GPC6: variants seen among roughly 807,000 people sequenced by gnomAD.
GPC6 encodes the protein glypican 6.
A neutral mutation model predicts 55.2 loss-of-function variants in GPC6; 14 were observed. That is an observed-to-expected ratio of 0.25 (90% confidence interval 0.17 to 0.40). The LOEUF (loss-of-function observed/expected upper bound fraction) is 0.40. Ranked by LOEUF, GPC6 falls within the 10% of genes least tolerant of loss-of-function variation. The pLI is 1.00. For synonymous variants in GPC6, 278 were observed against 259.6 expected (o/e 1.07, Z -0.68); for missense variants, 641 against 708.5 (o/e 0.90, Z 1.08).
At chr13:93,225,178 T>C (rs1875728232), upstream of GPC6, among the ~76,000 whole-genome samples, 1 of 152,178 alleles carries the variant, frequency 6.6e-6, no homozygotes, top group Admixed American at 6.5e-5. Context: ...GAAGTGTGTG[T>C]TTTTACCCTC....
intron 1 of GPC6, among the ~76,000 whole-genome samples, chr13:93,499,091 T>TCACACA (rs61370011): frequency 0.3 from 40,304 of 133,438 alleles, 5,685 homozygotes; most frequent in East Asian, 0.46. Flanking sequence ...TCCTTAATTG[T>TCACACA]CACACACACA....
intron 1 of GPC6, among the ~76,000 whole-genome samples, chr13:93,238,966 T>C (rs7999706): frequency 0.26 from 39,137 of 151,996 alleles, 5,142 homozygotes; most frequent in African/African-American, 0.32. Context: ...AATTATCCTT[T>C]TGTTGTGCTA....
chr13:94,094,515 C>T (rs1414367123), intron 4 of GPC6, among the ~76,000 whole-genome samples: 1 of 152,150 alleles, frequency 6.6e-6, no homozygotes, highest in Admixed American at 6.5e-5. Flanking sequence ...GACATGTCTT[C>T]CCATTGGTGA....
chr13:94,397,878 T>C (rs954745109), intron 7 of GPC6, among the ~76,000 whole-genome samples: 4 of 152,162 alleles, frequency 2.6e-5, no homozygotes, highest in Non-Finnish European at 5.9e-5. Context: ...CCAAGTGTCA[T>C]GAGAGGGAAC....
chr13:93,647,290 T>A (rs1933778), intron 2 of GPC6, among the ~76,000 whole-genome samples: 85,098 of 152,000 alleles, frequency 0.56, 25,732 homozygotes, highest in Middle Eastern at 0.8. Flanking sequence ...GCTAATTTTT[T>A]AAAATTTGAC....
intron 4 of GPC6, among the ~76,000 whole-genome samples, chr13:94,110,062 TAAAAAAAAAAAAA>T: frequency 1.2e-5 from 1 of 84,624 alleles, no homozygotes; most frequent in East Asian, 3.0e-4. Flanking sequence ...CACCCTGGAC[TAAAAAAAAAAAAA>T]AAAAAAGAAA....
chr13:94,016,463 C>T (rs1378905679), intron 3 of GPC6, among the ~76,000 whole-genome samples: 1 of 152,132 alleles, frequency 6.6e-6, no homozygotes, highest in Non-Finnish European at 1.5e-5. Flanking sequence ...CCAGAAGTGG[C>T]ATTGCTAGGT....
At chr13:93,429,860 A>G (rs1877289414) in intron 1 of GPC6, among the ~76,000 whole-genome samples, 1 of 152,144 alleles carries the variant, frequency 6.6e-6, no homozygotes, top group African/African-American at 2.4e-5. Flanking sequence ...TCTGTGAGCC[A>G]GGATTGTACT....
chr13:93,276,093 T>C (rs1028085952), intron 1 of GPC6, among the ~76,000 whole-genome samples: 2 of 152,156 alleles, frequency 1.3e-5, no homozygotes, highest in South Asian at 2.1e-4. Flanking sequence ...CCAGGATGGT[T>C]TCGATCTCCT....
chr13:93,609,187 A>C (rs57128663), intron 2 of GPC6, among the ~76,000 whole-genome samples: 5,797 of 152,002 alleles, frequency 0.038, 399 homozygotes, highest in African/African-American at 0.13. Context: ...TGCCACCTAC[A>C]TTCTTTCTTC....
chr13:93,339,277 C>T (rs1880152961), intron 1 of GPC6, among the ~76,000 whole-genome samples: 1 of 151,536 alleles, frequency 6.6e-6, no homozygotes, highest in Admixed American at 6.6e-5. Context: ...TAGATTGGGT[C>T]ATGCCACAAT....
chr13:93,658,318 T>G (rs1045316031), intron 2 of GPC6, among the ~76,000 whole-genome samples: 1 of 152,028 alleles, frequency 6.6e-6, no homozygotes, highest in Non-Finnish European at 1.5e-5. Flanking sequence ...GCAAAATATT[T>G]TAAAATATAT....
chr13:93,420,054 T>C (rs1293252570), intron 1 of GPC6, among the ~76,000 whole-genome samples: 3 of 152,046 alleles, frequency 2.0e-5, no homozygotes, highest in African/African-American at 4.8e-5. Context: ...TAGAACAACA[T>C]TGTTTTTGCC....
intron 1 of GPC6, among the ~76,000 whole-genome samples, chr13:93,496,007 T>G (rs370998474): frequency 2.0e-3 from 304 of 151,572 alleles, no homozygotes; most frequent in Non-Finnish European, 2.9e-3. Context: ...CAGAGGTGGA[T>G]CCTACAGAGG....
Position 93,830,284 on chromosome 13 carries a change from C to T in GPC6, c.450C>T (p.Tyr150=). ...TCTTCACAGAGCTGAAAAGGTACTA[C>T]ACTGGGGGTAATGTGAATCTGGAGG... is the stretch of plus-strand genomic sequence containing the variant. ...QDLFTELKRY[Y]TGGNVNLEEM... Residue 150 remains tyrosine, a synonymous_variant, in exon 3 of 9, where the codon TAC becomes TAT. Transcript: ENST00000377047. 6.2e-7 allele frequency: 1 copy of T among 1,613,820 alleles called. No individual in the cohort carries two copies. Among genetic ancestry groups the T allele is most frequent in the Non-Finnish European group, 8.5e-7 (1 of 1,179,850 alleles).
At chr13:93,479,610 C>CA (rs1175924829) in intron 1 of GPC6, among the ~76,000 whole-genome samples, 13 of 77,030 alleles carry the variant, frequency 1.7e-4, no homozygotes, top group Non-Finnish European at 3.4e-5. Flanking sequence ...GTGGTGAGAC[C>CA]CCCCCCCATC....
At chr13:93,524,467 G>T (rs1048904876) in intron 1 of GPC6, among the ~76,000 whole-genome samples, 4 of 151,958 alleles carry the variant, frequency 2.6e-5, no homozygotes, top group Non-Finnish European at 5.9e-5. Context: ...TCATTTGACT[G>T]CTTCAGTCCT....
chr13:94,390,332 A>G (rs748396481), intron 7 of GPC6, among the ~76,000 whole-genome samples: 1 of 152,224 alleles, frequency 6.6e-6, no homozygotes, highest in Non-Finnish European at 1.5e-5. Context: ...TACCAAGTCA[A>G]ACACCTTGGA....
At chr13:94,045,214 G>A (rs967487417) in intron 4 of GPC6, among the ~76,000 whole-genome samples, 1 of 151,792 alleles carries the variant, frequency 6.6e-6, no homozygotes, top group Non-Finnish European at 1.5e-5. Flanking sequence ...TTATGGAAAA[G>A]TAATTTACTG....
Sources: gnomAD v4.1 joint callset for allele counts (sites outside exome capture counted in the v4.1 genomes callset) on GRCh38, gnomAD v4.1.1 for gene constraint, MANE v1.5 for transcripts, NCBI Gene and HGNC (gene_info 2026-07-23, HGNC 2026-07-21) for gene names.